The following GFRAL variants were observed in gnomAD, a reference collection of about 807,000 sequenced individuals.
The protein encoded by GFRAL is GDNF family receptor alpha-like.
In GFRAL, 36 loss-of-function variants were observed where a neutral mutation model predicts 45.4. The ratio of observed to expected loss-of-function variants is 0.79; its 90% CI spans 0.61 to 1.05. The LOEUF (loss-of-function observed/expected upper bound fraction) is 1.05. Ranked by LOEUF, GFRAL falls within the 50% of genes least tolerant of loss-of-function variation. GFRAL has a pLI of 0.00. For missense variants in GFRAL, 507 were observed against 467.5 expected (o/e 1.08, Z -0.78); for synonymous variants, 166 against 154.1 (o/e 1.08, Z -0.57).
chr6:55,368,930 C>G (rs1038962718), intron 6 of GFRAL, among the ~76,000 whole-genome samples: 19 of 152,232 alleles, frequency 1.2e-4, no homozygotes, highest in African/African-American at 4.1e-4. Flanking sequence ...GTGGAGCCTA[C>G]AGAGGCAGGC....
chr6:55,377,280 G>A (rs1768548042), intron 6 of GFRAL, among the ~76,000 whole-genome samples: 1 of 151,984 alleles, frequency 6.6e-6, no homozygotes, highest in African/African-American at 2.4e-5. Context: ...ACTTCAAGGT[G>A]TCAATTTTTA....
At chr6:55,385,531 C>T (rs1051894937) in intron 6 of GFRAL, among the ~76,000 whole-genome samples, 2 of 151,676 alleles carry the variant, frequency 1.3e-5, no homozygotes, top group Non-Finnish European at 1.5e-5. Flanking sequence ...AAAACAGAGG[C>T]GACTAAAAAT....
chr6:55,374,846 A>G (rs959562573), intron 6 of GFRAL, among the ~76,000 whole-genome samples: 4 of 152,034 alleles, frequency 2.6e-5, no homozygotes, highest in Non-Finnish European at 4.4e-5. Flanking sequence ...GCATATGCTA[A>G]CCAGCACTCC....
At chr6:55,346,632 G>A (rs1233920969) in intron 3 of GFRAL, among the ~76,000 whole-genome samples, 1 of 151,986 alleles carries the variant, frequency 6.6e-6, no homozygotes, top group Non-Finnish European at 1.5e-5. Flanking sequence ...CATGGCGCAT[G>A]TATACATATG....
intron 5 of GFRAL, among the ~76,000 whole-genome samples, chr6:55,356,040 A>G (rs1768190093): frequency 6.6e-6 from 1 of 151,926 alleles, no homozygotes; most frequent in Non-Finnish European, 1.5e-5. Context: ...TGATTTTCAT[A>G]TATTGAACCA....
chr6:55,390,882 C>T (rs529468323), intron 6 of GFRAL, among the ~76,000 whole-genome samples: 2 of 115,962 alleles, frequency 1.7e-5, no homozygotes, highest in Non-Finnish European at 3.4e-5. Context: ...AGCGAGACTC[C>T]ATCTCACACA....
intron 6 of GFRAL, among the ~76,000 whole-genome samples, chr6:55,364,981 C>T (rs921122267): frequency 6.7e-6 from 1 of 150,046 alleles, no homozygotes; most frequent in Non-Finnish European, 1.5e-5. Flanking sequence ...TGAAGAAAGT[C>T]ATTGGTAGCT....
At chr6:55,342,924 G>C (rs368001788) in intron 3 of GFRAL, among the ~76,000 whole-genome samples, 1,887 of 151,916 alleles carry the variant, frequency 0.012, 20 homozygotes, top group Non-Finnish European at 0.021. Flanking sequence ...TCAAAAGAGA[G>C]AAAGAAGGCC....
At chr6:55,372,477 G>C (rs1337059620) in intron 6 of GFRAL, among the ~76,000 whole-genome samples, 1 of 152,096 alleles carries the variant, frequency 6.6e-6, no homozygotes, top group Non-Finnish European at 1.5e-5. Context: ...TATTTCTTGG[G>C]AGCATTAAGT....
chr6:55,331,616 A>G, intron 1 of GFRAL, 99 bp from the exon 2 acceptor site: 1 of 1,060,064 alleles, frequency 9.4e-7, no homozygotes, highest in Non-Finnish European at 1.3e-6. Context: ...ACTACATGTT[A>G]TTTTCCATAA....
intron 5 of GFRAL, among the ~76,000 whole-genome samples, chr6:55,352,158 A>G (rs190657925): frequency 3.1e-3 from 466 of 152,204 alleles, no homozygotes; most frequent in Admixed American, 0.013. Context: ...GTTCCCAAGG[A>G]GGCAGTTCTC....
At chr6:55,384,888 C>G (rs1768659546) in intron 6 of GFRAL, among the ~76,000 whole-genome samples, 1 of 149,484 alleles carries the variant, frequency 6.7e-6, no homozygotes, top group Non-Finnish European at 1.5e-5. Flanking sequence ...AAGTCAGACT[C>G]AGCTACGGAG....
chr6:55,359,193 C>T (rs1407152575), intron 6 of GFRAL, 55 bp downstream of exon 6: 3 of 1,448,886 alleles, frequency 2.1e-6, no homozygotes, highest in African/African-American at 2.8e-5. Flanking sequence ...TATCATCTAT[C>T]TATCTATCTA....
intron 6 of GFRAL, among the ~76,000 whole-genome samples, chr6:55,379,829 A>T (rs2127362877): frequency 6.6e-6 from 1 of 152,000 alleles, no homozygotes; most frequent in African/African-American, 2.4e-5. Flanking sequence ...CTTGCTTTTA[A>T]TAATCATCCC....
At chr6:55,374,467 A>T (rs898725420) in intron 6 of GFRAL, among the ~76,000 whole-genome samples, 1 of 151,912 alleles carries the variant, frequency 6.6e-6, no homozygotes, top group African/African-American at 2.4e-5. Flanking sequence ...CCACTTTTTA[A>T]TAGTGTTGCT....
At chr6:55,394,675 T>C (rs887530708) in intron 6 of GFRAL, among the ~76,000 whole-genome samples, 1 of 151,986 alleles carries the variant, frequency 6.6e-6, no homozygotes, top group Non-Finnish European at 1.5e-5. Context: ...GGCTTGAAAA[T>C]GTACTAATGA....
At chr6:55,346,835 C>A in intron 3 of GFRAL, among the ~76,000 whole-genome samples, 1 of 60,756 alleles carries the variant, frequency 1.6e-5, no homozygotes, top group Admixed American at 2.2e-4. Flanking sequence ...AAGAAATCCC[C>A]CCCCCCCAAA....
intron 2 of GFRAL, among the ~76,000 whole-genome samples, 183 bp downstream of exon 2, chr6:55,332,032 T>A (rs569860645): frequency 1.3e-5 from 2 of 152,310 alleles, no homozygotes; most frequent in Admixed American, 1.3e-4. Flanking sequence ...ATTTTCTTAA[T>A]TACTAAAGAG....
intron 5 of GFRAL, 128 bp from the exon 6 acceptor site, chr6:55,358,760 C>T: frequency 1.3e-6 from 1 of 773,418 alleles, no homozygotes; most frequent in Admixed American, 2.9e-5. Context: ...CACAAATTTA[C>T]TTTTCAACTA....
Sources: allele counts gnomAD v4.1 joint callset (sites outside exome capture counted in the v4.1 genomes callset), GRCh38; gene constraint gnomAD v4.1.1; transcripts MANE v1.5; gene names NCBI Gene and HGNC (gene_info 2026-07-23, HGNC 2026-07-21).